ATXN7: variants seen among roughly 807,000 people sequenced by gnomAD.
ATXN7 encodes ataxin 7.
In ATXN7, 12 loss-of-function variants were observed where a neutral mutation model predicts 70.5. The observed-to-expected ratio is 0.17, with a 90% CI of 0.11 to 0.28. ATXN7 has a LOEUF of 0.28. Among genes scored for constraint, ATXN7 ranks in the 10% least tolerant of loss-of-function variants. ATXN7 has a pLI of 1.00. For synonymous variants in ATXN7, 498 were observed against 448.7 expected (o/e 1.11, Z -1.39); for missense variants, 1,256 against 1,131.7 (o/e 1.11, Z -1.58).
intron 5 of ATXN7, among the ~76,000 whole-genome samples, chr3:63,954,714 T>G (rs533086717): frequency 2.0e-5 from 3 of 148,124 alleles, no homozygotes; most frequent in South Asian, 2.2e-4. Flanking sequence ...TTTTTTTGTT[T>G]TTTTTTTTTT....
At chr3:63,902,080 T>G (rs1008288569) in intron 2 of ATXN7, 5 of 152,186 alleles carry the variant, frequency 3.3e-5, no homozygotes, top group Non-Finnish European at 5.9e-5. Flanking sequence ...TGTACTACAC[T>G]GTGAATGTAC....
intron 12 of ATXN7, among the ~76,000 whole-genome samples, chr3:63,997,394 C>G (rs965026715): frequency 1.3e-5 from 2 of 152,190 alleles, no homozygotes; most frequent in African/African-American, 4.8e-5. Context: ...AGACTGAAAT[C>G]TCATTCCAAG....
At chr3:63,902,900 AAAACT>A (rs1351973244) in intron 2 of ATXN7, among the ~76,000 whole-genome samples, 1 of 152,218 alleles carries the variant, frequency 6.6e-6, no homozygotes, top group East Asian at 1.9e-4. Context: ...TCCTGAATAT[AAAACT>A]ATGTTGATAA....
intron 9 of ATXN7, 143 bp from the exon 10 acceptor site, chr3:63,990,033 G>A (rs1425193308): frequency 8.5e-6 from 6 of 709,374 alleles, no homozygotes; most frequent in Non-Finnish European, 1.4e-5. Context: ...CAAGCCACCT[G>A]GATCAGCATC....
intron 4 of ATXN7, among the ~76,000 whole-genome samples, chr3:63,919,978 G>T (rs766109864): frequency 6.6e-6 from 1 of 151,874 alleles, no homozygotes; most frequent in Non-Finnish European, 1.5e-5. Context: ...CTCCAGAATC[G>T]CTGCCCCTGA....
chr3:63,985,600 A>T (rs543892180), intron 8 of ATXN7, among the ~76,000 whole-genome samples: 2 of 152,116 alleles, frequency 1.3e-5, no homozygotes, highest in East Asian at 3.9e-4. Context: ...TCTGTCTTAG[A>T]CTTAGAACGT....
chr3:63,941,346 C>T (rs576828797), intron 4 of ATXN7, among the ~76,000 whole-genome samples: 34 of 152,114 alleles, frequency 2.2e-4, no homozygotes, highest in African/African-American at 7.0e-4. Flanking sequence ...TGAGCATTAC[C>T]GCCTGAACTC....
At chr3:63,970,562 G>A (rs912690490) in intron 5 of ATXN7, among the ~76,000 whole-genome samples, 1 of 152,180 alleles carries the variant, frequency 6.6e-6, no homozygotes, top group East Asian at 1.9e-4. Flanking sequence ...AACAAGTTAG[G>A]CAGGGAAGGA....
chr3:63,885,972 A>G (rs704366), intron 1 of ATXN7, among the ~76,000 whole-genome samples: 116,066 of 152,122 alleles, frequency 0.76, 45,589 homozygotes, highest in South Asian at 0.88. Flanking sequence ...AGCTGGGATC[A>G]CGCCACTATA....
At chr3:63,902,084 A>G (rs1329634362) in intron 2 of ATXN7, 3 of 152,188 alleles carry the variant, frequency 2.0e-5, no homozygotes, top group Non-Finnish European at 4.4e-5. Flanking sequence ...CTACACTGTG[A>G]ATGTACTAAA....
At chr3:63,962,938 C>T (rs550573448) in intron 5 of ATXN7, among the ~76,000 whole-genome samples, 1 of 135,792 alleles carries the variant, frequency 7.4e-6, no homozygotes, top group East Asian at 2.3e-4. Context: ...TTCTTCAAGA[C>T]AGATTCTCAC....
chr3:63,988,590 C>G (rs544777076), intron 9 of ATXN7: 4 of 407,790 alleles, frequency 9.8e-6, no homozygotes, highest in South Asian at 9.0e-5. Context: ...TGTCTCAACT[C>G]TGTTGAGCAG....
intron 2 of ATXN7, among the ~76,000 whole-genome samples, chr3:63,900,034 T>C (rs1024830163): frequency 2.0e-5 from 3 of 152,148 alleles, no homozygotes; most frequent in African/African-American, 7.2e-5. Context: ...CAGTTAGCCA[T>C]GATGATGCTG....
chr3:63,925,444 T>G (rs1481978432), intron 4 of ATXN7, among the ~76,000 whole-genome samples: 1 of 152,078 alleles, frequency 6.6e-6, no homozygotes, highest in African/African-American at 2.4e-5. Context: ...TGGCATTAGA[T>G]TCTCATAGGA....
intron 8 of ATXN7, among the ~76,000 whole-genome samples, chr3:63,983,475 GT>G (rs2075522190): frequency 6.6e-6 from 1 of 151,564 alleles, no homozygotes; most frequent in African/African-American, 2.4e-5. Context: ...AAATATCCCT[GT>G]TTTCTAGTTT....
intron 1 of ATXN7, among the ~76,000 whole-genome samples, chr3:63,866,490 A>G (rs1702434595): frequency 6.6e-6 from 1 of 152,160 alleles, no homozygotes; most frequent in African/African-American, 2.4e-5. Context: ...TGCTGGGCTC[A>G]AGCGATCCTC....
At chr3:63,918,913 C>G (rs1236312351) in intron 4 of ATXN7, among the ~76,000 whole-genome samples, 1 of 152,132 alleles carries the variant, frequency 6.6e-6, no homozygotes, top group Non-Finnish European at 1.5e-5. Flanking sequence ...TAAGAAACAC[C>G]TCCATAGATG....
At chr3:63,985,777 C>T (rs2075568435) in intron 8 of ATXN7, among the ~76,000 whole-genome samples, 1 of 152,174 alleles carries the variant, frequency 6.6e-6, no homozygotes, top group African/African-American at 2.4e-5. Context: ...ACTCCTGTAG[C>T]CTTTGTCCAT....
In ATXN7 at chr3:63,982,155, G is replaced by T. The variant is rs9809111; in HGVS notation, c.753-31G>T. On this transcript the variant is annotated intron_variant, in intron 6 of 12. Coordinates refer to ENST00000674280, the MANE Select transcript of ATXN7 (RefSeq NM_001377405.1). ...ACCTGGGGGCTGCTGAGGCACTCAG[G>T]CACTGGTTTTCTCACTTCCTCCTGT... 1.3e-4 allele frequency: 213 copies of T among 1,613,424 alleles called. No homozygotes were observed. The African/African-American group carries it at 2.7e-3, about 20-fold the overall frequency.
Sources: allele counts gnomAD v4.1 joint callset (sites outside exome capture counted in the v4.1 genomes callset), GRCh38; gene constraint gnomAD v4.1.1; transcripts MANE v1.5; gene names NCBI Gene and HGNC (gene_info 2026-07-23, HGNC 2026-07-21).